Variants in ADAMTS19 observed in about 807,000 individuals in gnomAD.
ADAMTS19 encodes ADAM metallopeptidase with thrombospondin type 1 motif 19, also known as A disintegrin and metalloproteinase with thrombospondin motifs 19.
Under a neutral mutation model 153.3 loss-of-function variants are expected in ADAMTS19, and 93 were observed. The observed-to-expected ratio is 0.61, with a 90% CI of 0.51 to 0.72. The LOEUF is 0.72. Among genes scored for constraint, ADAMTS19 ranks in the 30% least tolerant of loss-of-function variants. The pLI is 0.00. For missense variants in ADAMTS19, 1,482 were observed against 1,552.1 expected, an observed-to-expected ratio of 0.95 and a Z score of 0.76; for synonymous variants, 600 against 556.6, an observed-to-expected ratio of 1.08 and a Z score of -1.10.
intron 12 of ADAMTS19, 128 bp from the exon 13 acceptor site, chr5:129,648,670 G>T: frequency 1.7e-6 from 1 of 602,082 alleles, no homozygotes; most frequent in Non-Finnish European, 2.7e-6. Flanking sequence ...ATCATTTAAT[G>T]TGTCCAAGTT....
At chr5:129,537,825 C>T (rs1169086338) in intron 6 of ADAMTS19, among the ~76,000 whole-genome samples, 2 of 151,530 alleles carry the variant, frequency 1.3e-5, no homozygotes, top group African/African-American at 4.8e-5. Flanking sequence ...TACCTAATGC[C>T]AAATGACGAG....
At chr5:129,684,479 T>C (rs1281041295) in intron 18 of ADAMTS19, among the ~76,000 whole-genome samples, 1 of 141,496 alleles carries the variant, frequency 7.1e-6, no homozygotes, top group African/African-American at 2.6e-5. Flanking sequence ...TGTTAACATA[T>C]CTCAATATGA....
At chr5:129,522,316 TACACAC>T (rs1186259435) in intron 3 of ADAMTS19, among the ~76,000 whole-genome samples, 1 of 91,968 alleles carries the variant, frequency 1.1e-5, no homozygotes, top group Non-Finnish European at 2.0e-5. Flanking sequence ...TATATATATA[TACACAC>T]ACACACACAC....
intron 2 of ADAMTS19, among the ~76,000 whole-genome samples, chr5:129,505,289 G>A (rs1306204203): frequency 6.6e-6 from 1 of 152,126 alleles, no homozygotes; most frequent in African/African-American, 2.4e-5. Flanking sequence ...GGTTATGTCA[G>A]TGATTTGGAA....
At chr5:129,678,231 G>C (rs946714956) in intron 16 of ADAMTS19, among the ~76,000 whole-genome samples, 5 of 152,072 alleles carry the variant, frequency 3.3e-5, no homozygotes, top group African/African-American at 1.2e-4. Flanking sequence ...ATGCACATGG[G>C]TCTCCTGGTC....
At chr5:129,607,292 T>C (rs1750947800) in intron 8 of ADAMTS19, among the ~76,000 whole-genome samples, 2 of 152,238 alleles carry the variant, frequency 1.3e-5, no homozygotes, top group South Asian at 4.1e-4. Flanking sequence ...TGAGATATAC[T>C]GATTTATACT....
At chr5:129,652,227 A>G (rs1280445842) in intron 13 of ADAMTS19, among the ~76,000 whole-genome samples, 1 of 152,212 alleles carries the variant, frequency 6.6e-6, no homozygotes, top group Non-Finnish European at 1.5e-5. Context: ...CTATATTTCA[A>G]ATAAAATATA....
intron 20 of ADAMTS19, among the ~76,000 whole-genome samples, chr5:129,702,400 A>T (rs775659749): frequency 3.3e-5 from 5 of 152,214 alleles, no homozygotes; most frequent in African/African-American, 1.2e-4. Context: ...AAGGAAAATC[A>T]TCCATCTATG....
At chr5:129,649,667 T>A (rs1753228322) in intron 13 of ADAMTS19, among the ~76,000 whole-genome samples, 1 of 152,070 alleles carries the variant, frequency 6.6e-6, no homozygotes, top group African/African-American at 2.4e-5. Context: ...GTTGCACAAA[T>A]CTACAAATGT....
intron 8 of ADAMTS19, among the ~76,000 whole-genome samples, chr5:129,610,415 A>G (rs1581142150): frequency 6.6e-6 from 1 of 152,044 alleles, no homozygotes; most frequent in Non-Finnish European, 1.5e-5. Flanking sequence ...CATTGGGTAT[A>G]TCTCCTAATG....
At chr5:129,641,480 C>T (rs894446321) in intron 10 of ADAMTS19, among the ~76,000 whole-genome samples, 3 of 152,134 alleles carry the variant, frequency 2.0e-5, no homozygotes, top group Admixed American at 1.3e-4. Flanking sequence ...GCAGCAGACA[C>T]TGAATTTATA....
At chr5:129,698,956 T>C (rs1158280162) in intron 19 of ADAMTS19, among the ~76,000 whole-genome samples, 3 of 152,100 alleles carry the variant, frequency 2.0e-5, no homozygotes, top group Non-Finnish European at 4.4e-5. Context: ...TTCTCAGAAA[T>C]AGAAACATAA....
intron 17 of ADAMTS19, among the ~76,000 whole-genome samples, chr5:129,680,721 C>T (rs1754764181): frequency 6.7e-6 from 1 of 148,972 alleles, no homozygotes. Flanking sequence ...GAGATCAAGC[C>T]ACTGCACTCC....
intron 16 of ADAMTS19, among the ~76,000 whole-genome samples, chr5:129,674,247 A>G (rs973889803): frequency 1.3e-5 from 2 of 150,184 alleles, no homozygotes; most frequent in African/African-American, 4.9e-5. Context: ...AAAAAAAATC[A>G]TTAAATCCAT....
chr5:129,673,907 T>G (rs913403556), intron 16 of ADAMTS19, among the ~76,000 whole-genome samples: 3 of 152,182 alleles, frequency 2.0e-5, no homozygotes, highest in African/African-American at 7.2e-5. Flanking sequence ...CTCAAAATAT[T>G]TCTTGCCCTT....
chr5:129,531,071 TTTTA>T (rs200789188), intron 6 of ADAMTS19, among the ~76,000 whole-genome samples: 28,252 of 152,056 alleles, frequency 0.19, 3,153 homozygotes, highest in African/African-American at 0.3. Context: ...TTAAGAAGAA[TTTTA>T]GTAAAATATG....
At position 129,645,777 on chromosome 5, in the gene ADAMTS19, AC is replaced by A. The variant is rs112441313; in HGVS notation, c.1873-1987del. ...AAACAATGTGACCAATTGAAGTTTG[AC>A]AACTTTCACATTGAATTTTTTTTTC... On this transcript the variant is annotated intron_variant, in intron 11 of 22. Coordinates refer to ENST00000274487, the MANE Select transcript of ADAMTS19 (RefSeq NM_133638.6). Among the ~76,000 whole-genome samples the A allele has an allele frequency of 4.9e-3, 740 of 152,242 alleles. 10 individuals carry two copies. Among genetic ancestry groups the A allele is most frequent in the African/African-American group, 0.017 (687 of 41,530 alleles).
chr5:129,548,337 A>C lies in ADAMTS19; in HGVS notation c.1329-3527A>C, dbSNP rs1039363020. ...TTCAAACAAATTTACAAAAAAAAAA[A>C]CAAACAACCCCATCAAAAAGTGGGT... is the stretch of plus-strand genomic sequence containing the variant. On this transcript the variant is annotated intron_variant, in intron 6 of 22. Coordinates refer to ENST00000274487, the MANE Select transcript of ADAMTS19 (RefSeq NM_133638.6). Among the ~76,000 whole-genome samples the C allele has an allele frequency of 5.3e-4, 78 of 147,500 alleles. 1 individual carries two copies. The highest frequency in any genetic ancestry group is 6.5e-4 in the Non-Finnish European group (44 of 67,354).
intron 15 of ADAMTS19, 86 bp from the exon 16 acceptor site, chr5:129,665,413 C>A: frequency 8.4e-7 from 1 of 1,193,928 alleles, no homozygotes; most frequent in Non-Finnish European, 1.2e-6. Flanking sequence ...TAACCAAAAC[C>A]AAAAGGAAAA....
Sources: allele counts gnomAD v4.1 joint callset (sites outside exome capture counted in the v4.1 genomes callset), GRCh38; gene constraint gnomAD v4.1.1; transcripts MANE v1.5; gene names NCBI Gene and HGNC (gene_info 2026-07-23, HGNC 2026-07-21).